ZFYVE28: variants seen among roughly 807,000 people sequenced by gnomAD.
The protein encoded by ZFYVE28 is zinc finger FYVE-type containing 28, also known as lateral signaling target protein 2 homolog.
A neutral mutation model predicts 82.1 loss-of-function variants in ZFYVE28; 40 were observed. The observed-to-expected ratio is 0.49, with a 90% CI of 0.38 to 0.63. The LOEUF is 0.63. Among genes scored for constraint, ZFYVE28 ranks in the 30% least tolerant of loss-of-function variants. ZFYVE28 has a pLI of 0.00. For missense variants in ZFYVE28, 1,321 were observed against 1,242.1 expected, an observed-to-expected ratio of 1.06 and a Z score of -0.96; for synonymous variants, 612 against 546.1, an observed-to-expected ratio of 1.12 and a Z score of -1.68.
At position 2,330,814 on chromosome 4, in the gene ZFYVE28, T is replaced by C. The variant is rs767821591; in HGVS notation, c.701+4891A>G. 525 of 1,529,426 alleles carry C rather than the reference T, an allele frequency of 3.4e-4. 2 individuals carry two copies. The highest frequency in any genetic ancestry group is 3.1e-4 in the Non-Finnish European group (359 of 1,144,978). 94.7% of individuals were successfully genotyped at this position (1,529,426 alleles called of 1,614,324 possible). A position where few individuals can be genotyped will look rare whatever the true frequency, so the allele number is the denominator to read the frequency against. The stretch of plus-strand genomic sequence containing the variant: ...GGGACCCTGAGCGAAGGGGACAGCA[T>C]GGTGGAGACCCAGGGCAGCGGGTGC... On this transcript the variant is annotated intron_variant, in intron 6 of 12. Transcript: ENST00000290974.
At chr4:2,404,917 G>C (rs987852879) in intron 1 of ZFYVE28, among the ~76,000 whole-genome samples, 1 of 142,006 alleles carries the variant, frequency 7.0e-6, no homozygotes, top group Non-Finnish European at 1.5e-5. Context: ...CCAGGCTGGA[G>C]TGCAGTGGCA....
rs180931129 is a variant in ZFYVE28 at position 2,296,425 on chromosome 4, C to T, written c.2051+7864G>A. Among the ~76,000 whole-genome samples the T allele has an allele frequency of 2.4e-3, 368 of 152,372 alleles. 3 individuals carry two copies. The highest frequency in any genetic ancestry group is 0.014 in the Middle Eastern group (4 of 294). On this transcript the variant is annotated intron_variant, in intron 8 of 12. Coordinates refer to ENST00000290974, the MANE Select transcript of ZFYVE28 (RefSeq NM_020972.3). ...TTATCCCCGACTCACCGTGTCAGCC[C>T]AGGAGGCCCCGTCACTTATAAACGA...
chr4:2,318,980 C>T (rs1437182193), intron 7 of ZFYVE28: 1 of 152,770 alleles, frequency 6.5e-6, no homozygotes, highest in Non-Finnish European at 1.5e-5. Flanking sequence ...TCATCCTCCT[C>T]TCCATCACCC....
intron 8 of ZFYVE28, among the ~76,000 whole-genome samples, chr4:2,283,017 G>A (rs1045792901): frequency 1.2e-4 from 19 of 152,156 alleles, no homozygotes; most frequent in Non-Finnish European, 1.8e-4. Flanking sequence ...TAGCAGCTCG[G>A]GCATTTGTAC....
chr4:2,327,311 G>GATATAA (rs1560209256), intron 6 of ZFYVE28, among the ~76,000 whole-genome samples: 1 of 66,556 alleles, frequency 1.5e-5, no homozygotes, highest in African/African-American at 5.7e-5. Flanking sequence ...TATATATATC[G>GATATAA]AATAAAGTTG....
intron 8 of ZFYVE28, among the ~76,000 whole-genome samples, chr4:2,287,882 G>C (rs2080943332): frequency 6.6e-6 from 1 of 152,238 alleles, no homozygotes; most frequent in African/African-American, 2.4e-5. Flanking sequence ...AACATAAGGA[G>C]ACACTGGATA....
intron 8 of ZFYVE28, among the ~76,000 whole-genome samples, chr4:2,280,014 G>A (rs1438718938): frequency 7.2e-5 from 11 of 152,252 alleles, no homozygotes; most frequent in Admixed American, 5.9e-4. Flanking sequence ...TTACTGAGCT[G>A]TACATCTCAC....
At chr4:2,322,879 G>A (rs1008045689) in intron 6 of ZFYVE28, among the ~76,000 whole-genome samples, 5 of 152,146 alleles carry the variant, frequency 3.3e-5, no homozygotes, top group African/African-American at 7.2e-5. Context: ...TTTGCACCAC[G>A]TTTTCAAGGC....
rs1344704400 is a variant in ZFYVE28, at chr4:2,339,115, T to G, written c.521+338A>C. Among the ~76,000 whole-genome samples the G allele has an allele frequency of 6.6e-6, 1 of 152,156 alleles. No homozygotes were observed. Among genetic ancestry groups the G allele is most frequent in the Non-Finnish European group, 1.5e-5 (1 of 68,038 alleles). On this transcript the variant is annotated intron_variant, in intron 4 of 12. Transcript: ENST00000290974. This position sits in a 1 kb window ranked among gnomAD's most constrained non-coding sequence, Gnocchi z 5.0. ...GCGTGAGCCACCGCACCCGCCTGGC[T>G]GCCTCTGTTTTCTTCTCACCTGTGA...
chr4:2,416,677 C>T lies in ZFYVE28; in HGVS notation c.39+1608G>A, dbSNP rs78508335. Among the ~76,000 whole-genome samples, 81 of 152,312 alleles carry T rather than the reference C, an allele frequency of 5.3e-4. No homozygotes were observed. The East Asian group carries it at 0.013, about 24-fold the overall frequency. ...GCGCCGCAGGAGGAGAGGCTGGGCG[C>T]AGACGGCTCGGCCCCAAACCACACC... On this transcript the variant is annotated intron_variant, in intron 1 of 12. Transcript: ENST00000290974. The surrounding 1 kb of genome is among the most constrained non-coding windows in gnomAD (Gnocchi z 4.6).
chr4:2,341,227 C>T lies in ZFYVE28; in HGVS notation c.318+251G>A. On this transcript the variant is annotated intron_variant, in intron 3 of 12. Transcript: ENST00000290974. This position sits in a 1 kb window ranked among gnomAD's most constrained non-coding sequence, Gnocchi z 4.5. ...CCTGGCTGTCTGGGGGCCTGTGAAC[C>T]TCATAAAAACCACATGGGAAATTTC... 1.8e-6 allele frequency: 1 copy of T among 569,940 alleles called. No homozygotes were observed. Among genetic ancestry groups the T allele is most frequent in the Non-Finnish European group, 3.1e-6 (1 of 322,964 alleles). 35.3% of individuals were successfully genotyped at this position (569,940 alleles called of 1,614,324 possible).
chr4:2,337,124 G>T lies in ZFYVE28; in HGVS notation c.611+283C>A, dbSNP rs576302335. ...CAGAGCCTTCCAGCTTTTGTCCTCT[G>T]ACAGTGACTTCACCTGCAGGATCTG... On this transcript the variant is annotated intron_variant, in intron 5 of 12. Coordinates refer to ENST00000290974, the MANE Select transcript of ZFYVE28 (RefSeq NM_020972.3). Among the ~76,000 whole-genome samples the T allele has an allele frequency of 2.4e-3, 367 of 152,192 alleles. 2 individuals carry two copies. Among genetic ancestry groups the T allele is most frequent in the African/African-American group, 7.2e-3 (300 of 41,504 alleles).
chr4:2,355,432 T>A (rs1276469765), intron 1 of ZFYVE28, among the ~76,000 whole-genome samples: 1 of 147,152 alleles, frequency 6.8e-6, no homozygotes, highest in African/African-American at 2.5e-5. Flanking sequence ...TAGGCATCCA[T>A]CACCACGCCC....
At chr4:2,303,972 G>A (rs866299598) in intron 8 of ZFYVE28, among the ~76,000 whole-genome samples, 20 of 152,248 alleles carry the variant, frequency 1.3e-4, no homozygotes, top group East Asian at 3.8e-4. Flanking sequence ...GGGATGGGCC[G>A]GGGCTGCGGC....
intron 8 of ZFYVE28, among the ~76,000 whole-genome samples, chr4:2,290,685 C>T (rs949836390): frequency 2.0e-5 from 3 of 152,206 alleles, no homozygotes; most frequent in African/African-American, 7.2e-5. Context: ...CCTCACCCCT[C>T]TCCTGCTGTG....
rs1013725587 is a variant in ZFYVE28, at chr4:2,332,880, C to T, written c.701+2825G>A. 8.5e-5 allele frequency among the ~76,000 whole-genome samples: 13 copies of T among 152,132 alleles called. No individual in the cohort carries two copies. The highest frequency in any genetic ancestry group is 2.2e-4 in the African/African-American group (9 of 41,414). ...CAGCCTGGTGCACCCCACGGTTCCT[C>T]GTATCCACAGCCTGGCTCTGTGGCT... On this transcript the variant is annotated intron_variant, in intron 6 of 12. Transcript: ENST00000290974. The surrounding 1 kb of genome is among the most constrained non-coding windows in gnomAD (Gnocchi z 4.7).
intron 9 of ZFYVE28, 32 bp from the exon 10 acceptor site, chr4:2,273,321 G>A (rs778963253): frequency 5.0e-6 from 8 of 1,588,400 alleles, no homozygotes; most frequent in Middle Eastern, 1.7e-4. Flanking sequence ...AACCACGACA[G>A]AAGGACGGAT....
chr4:2,388,031 C>T (rs2108921547), intron 1 of ZFYVE28, among the ~76,000 whole-genome samples: 1 of 152,344 alleles, frequency 6.6e-6, no homozygotes, highest in African/African-American at 2.4e-5. Context: ...CTGTGACGGG[C>T]GGCTGGCCTC....
At chr4:2,386,567 G>A (rs1729279401) in intron 1 of ZFYVE28, among the ~76,000 whole-genome samples, 1 of 152,160 alleles carries the variant, frequency 6.6e-6, no homozygotes, top group South Asian at 2.1e-4. Context: ...GAGGGTCAAT[G>A]AGCCATCACA....
Sources: allele counts gnomAD v4.1 joint callset (sites outside exome capture counted in the v4.1 genomes callset), GRCh38; gene constraint gnomAD v4.1.1; non-coding constraint Gnocchi (gnomAD v3.1); transcripts MANE v1.5; gene names NCBI Gene and HGNC (gene_info 2026-07-23, HGNC 2026-07-21).